PDCD6IP: variants seen among roughly 807,000 people sequenced by gnomAD.
PDCD6IP encodes the protein programmed cell death 6 interacting protein, also known as programmed cell death 6-interacting protein.
In PDCD6IP, 43 loss-of-function variants were observed where a neutral mutation model predicts 103.7. The observed-to-expected ratio is 0.41, with a 90% confidence interval of 0.32 to 0.53. The LOEUF is 0.53. Ranked by LOEUF, PDCD6IP falls within the 20% of genes least tolerant of loss-of-function variation. The pLI is 0.16. For missense variants in PDCD6IP, 871 were observed against 1,036.7 expected (o/e 0.84, Z 2.20); for synonymous variants, 354 against 378.7 (o/e 0.93, Z 0.76).
At chr3:33,844,714 C>G (rs1464195524) in intron 11 of PDCD6IP, among the ~76,000 whole-genome samples, 2 of 152,092 alleles carry the variant, frequency 1.3e-5, no homozygotes, top group African/African-American at 4.8e-5. Flanking sequence ...CTCCTGGGCT[C>G]AAGTGATCCA....
At chr3:33,836,433 G>A (rs1282965109) in intron 8 of PDCD6IP, among the ~76,000 whole-genome samples, 167 bp downstream of exon 8, 3 of 152,048 alleles carry the variant, frequency 2.0e-5, no homozygotes, top group Non-Finnish European at 4.4e-5. Context: ...ATGTTAAGAT[G>A]GAAAGTAAAC....
intron 3 of PDCD6IP, among the ~76,000 whole-genome samples, chr3:33,819,002 C>G (rs1466146120): frequency 1.3e-5 from 2 of 151,894 alleles, no homozygotes; most frequent in African/African-American, 4.8e-5. Flanking sequence ...CTTTTTGGCC[C>G]TTTTAGTTTG....
At chr3:33,838,006 G>A (rs9832035) in intron 8 of PDCD6IP, among the ~76,000 whole-genome samples, 198 bp from the exon 9 acceptor site, 44,529 of 152,022 alleles carry the variant, frequency 0.29, 6,766 homozygotes, top group East Asian at 0.41. Context: ...CATTGTTGCC[G>A]TTGTCCATGA....
intron 8 of PDCD6IP, among the ~76,000 whole-genome samples, chr3:33,837,845 C>G (rs551404147): frequency 6.6e-6 from 1 of 152,314 alleles, no homozygotes; most frequent in South Asian, 2.1e-4. Flanking sequence ...GCCTCGGCCT[C>G]CCAAAGTGCT....
rs76318217 is a variant in PDCD6IP, at chr3:33,862,946, C to T, written c.2121-1060C>T. On this transcript the variant is annotated intron_variant, in intron 15 of 17. Transcript: ENST00000307296. ...TAACTGTGATCTCTGAAAATGTTTACTTTTTCCCCCAGTCTTCAGAAATAT... is the reference window on the plus strand; with the variant it reads ...TAACTGTGATCTCTGAAAATGTTTATTTTTTCCCCCAGTCTTCAGAAATAT... Among the ~76,000 whole-genome samples, 514 of 152,230 alleles carry T rather than the reference C, an allele frequency of 3.4e-3. 1 individual carries two copies. The highest frequency in any genetic ancestry group is 6.3e-3 in the Non-Finnish European group (427 of 67,994).
chr3:33,856,502 A>G (rs1347205970), intron 15 of PDCD6IP, among the ~76,000 whole-genome samples: 2 of 152,212 alleles, frequency 1.3e-5, no homozygotes, highest in African/African-American at 4.8e-5. Flanking sequence ...AAGATCTAAT[A>G]TAGGCAAAAC....
At chr3:33,844,493 T>G (rs1488254333) in intron 11 of PDCD6IP, among the ~76,000 whole-genome samples, 2 of 152,164 alleles carry the variant, frequency 1.3e-5, no homozygotes, top group Non-Finnish European at 2.9e-5. Context: ...TTTATTTATT[T>G]TTTTTGAGAC....
At chr3:33,825,685 G>A (rs550568951) in intron 5 of PDCD6IP, among the ~76,000 whole-genome samples, 3 of 152,258 alleles carry the variant, frequency 2.0e-5, no homozygotes, top group Admixed American at 6.5e-5. Context: ...CTAGATAAAC[G>A]GAGTTAGAAA....
chr3:33,808,383 C>G (rs1209916719), intron 1 of PDCD6IP, among the ~76,000 whole-genome samples: 1 of 152,162 alleles, frequency 6.6e-6, no homozygotes, highest in Non-Finnish European at 1.5e-5. Context: ...AAGTGATCCT[C>G]CCACCTTATC....
chr3:33,860,864 A>G (rs1460623392), intron 15 of PDCD6IP, among the ~76,000 whole-genome samples: 1 of 152,220 alleles, frequency 6.6e-6, no homozygotes, highest in Non-Finnish European at 1.5e-5. Context: ...GCTGTCCAGT[A>G]TTGCTGGTAG....
At chr3:33,810,780 T>C (rs1382724419) in intron 1 of PDCD6IP, among the ~76,000 whole-genome samples, 1 of 152,174 alleles carries the variant, frequency 6.6e-6, no homozygotes, top group Non-Finnish European at 1.5e-5. Context: ...TACTGCAGCC[T>C]GGGCAACAGA....
At chr3:33,836,371 T>A (rs1365470758) in intron 8 of PDCD6IP, 105 bp downstream of exon 8, 1 of 658,788 alleles carries the variant, frequency 1.5e-6, no homozygotes, top group African/African-American at 1.8e-5. Context: ...TGAATATAAT[T>A]TGTATTCATG....
At chr3:33,844,734 A>C (rs965809163) in intron 11 of PDCD6IP, among the ~76,000 whole-genome samples, 3 of 152,118 alleles carry the variant, frequency 2.0e-5, no homozygotes, top group African/African-American at 7.2e-5. Context: ...ACCTGCCTCC[A>C]CTTCCCAAAG....
intron 4 of PDCD6IP, among the ~76,000 whole-genome samples, chr3:33,822,609 A>G (rs1430518162): frequency 6.6e-6 from 1 of 152,096 alleles, no homozygotes; most frequent in Non-Finnish European, 1.5e-5. Context: ...TTACGTACTG[A>G]TCATTTACTA....
In PDCD6IP at chr3:33,831,386, G is replaced by C. The variant is rs1321984530; in HGVS notation, c.834+2417G>C. Among the ~76,000 whole-genome samples the C allele has an allele frequency of 2.0e-4, 31 of 152,066 alleles. 1 individual carries two copies. The highest frequency in any genetic ancestry group is 2.0e-3 in the Admixed American group (31 of 15,248). Reference sequence around the variant, plus strand: ...TTCTTAGTTATGGTACTAGGTTGTAGGTATTAAGGAGATTGTCATTATAGA... The same window carrying C: ...TTCTTAGTTATGGTACTAGGTTGTACGTATTAAGGAGATTGTCATTATAGA... On this transcript the variant is annotated intron_variant, in intron 7 of 17. Coordinates refer to ENST00000307296, the MANE Select transcript of PDCD6IP (RefSeq NM_013374.6).
chr3:33,809,350 A>G (rs1696666171), intron 1 of PDCD6IP, among the ~76,000 whole-genome samples: 1 of 152,220 alleles, frequency 6.6e-6, no homozygotes, highest in South Asian at 2.1e-4. Context: ...GTCAGCCTAG[A>G]CAATAGTGAG....
Position 33,830,344 on chromosome 3 carries a change from G to T in PDCD6IP, c.834+1375G>T, listed in dbSNP as rs563346168. Among the ~76,000 whole-genome samples the T allele has an allele frequency of 2.0e-5, 3 of 152,208 alleles. No individual in the cohort carries two copies. The South Asian group carries it at 6.2e-4, about 32-fold the overall frequency. On this transcript the variant is annotated intron_variant, in intron 7 of 17. Coordinates refer to ENST00000307296, the MANE Select transcript of PDCD6IP (RefSeq NM_013374.6). ...TTTTTAAGGCTAGCATATTTAAATTGTAAGTTTAGTTTCTTTATTTTCTGG... is the reference window on the plus strand; with the variant it reads ...TTTTTAAGGCTAGCATATTTAAATTTTAAGTTTAGTTTCTTTATTTTCTGG...
chr3:33,865,527 G>C, intron 17 of PDCD6IP, 97 bp downstream of exon 17: 1 of 962,918 alleles, frequency 1.0e-6, no homozygotes, highest in Non-Finnish European at 1.5e-6. Context: ...CCAAATGGAG[G>C]TGTCATGAAT....
At position 33,849,843 on chromosome 3, in the gene PDCD6IP, T is replaced by A. The variant is rs190724102; in HGVS notation, c.1642-2645T>A. ...CTAGTGTACTGCATATGAATTTTTT[T>A]AAAAAGATGTTCATAATATAAGGGA... On this transcript the variant is annotated intron_variant, in intron 12 of 17. Transcript: ENST00000307296. Among the ~76,000 whole-genome samples the A allele has an allele frequency of 3.5e-3, 533 of 152,370 alleles. 7 individuals are homozygous for A. Among genetic ancestry groups the A allele is most frequent in the Non-Finnish European group, 1.9e-3 (131 of 68,026 alleles).
Sources: allele counts gnomAD v4.1 joint callset (sites outside exome capture counted in the v4.1 genomes callset), GRCh38; gene constraint gnomAD v4.1.1; transcripts MANE v1.5; gene names NCBI Gene and HGNC (gene_info 2026-07-23, HGNC 2026-07-21).